The following BEND3 variants were observed in gnomAD, a reference collection of about 807,000 sequenced individuals.
BEND3 encodes BEN domain containing 3.
A neutral mutation model predicts 60.1 loss-of-function variants in BEND3; 13 were observed. The ratio of observed to expected loss-of-function variants is 0.22; its 90% CI spans 0.14 to 0.34. BEND3 has a LOEUF of 0.34. BEND3 is among the 10% of genes least tolerant of loss of function. The pLI, the probability that BEND3 is intolerant of heterozygous loss-of-function variation, is 1.00. For missense variants in BEND3, 896 were observed against 1,138.1 expected (o/e 0.79, Z 3.06); for synonymous variants, 497 against 491.5 (o/e 1.01, Z -0.15).
At chr6:107,078,894 G>A (rs1252866830) in intron 3 of BEND3, among the ~76,000 whole-genome samples, 1 of 151,982 alleles carries the variant, frequency 6.6e-6, no homozygotes, top group Non-Finnish European at 1.5e-5. Flanking sequence ...CCTCAGGCCT[G>A]TGCCCATGGA....
At position 107,112,700 on chromosome 6, in the gene BEND3, A is replaced by G. The variant is rs1027510943; in HGVS notation, c.-12+2390T>C. ...GAAATCCCCTCTCTACTAAAAATAC[A>G]AAACTAGCCGGGCATGGTGGCGCGC... On this transcript the variant is annotated intron_variant, in intron 1 of 3. Coordinates refer to ENST00000369042, the MANE Select transcript of BEND3 (RefSeq NM_001367314.1). Among the ~76,000 whole-genome samples the G allele has an allele frequency of 3.3e-5, 5 of 152,080 alleles. No homozygotes were observed. In the East Asian group the frequency reaches 7.7e-4, roughly 23 times the overall value.
chr6:107,111,786 A>T (rs1554238436), intron 1 of BEND3, among the ~76,000 whole-genome samples: 1 of 152,070 alleles, frequency 6.6e-6, no homozygotes, highest in Non-Finnish European at 1.5e-5. Flanking sequence ...GTTCAAGACC[A>T]ACCTGGCCAA....
intron 1 of BEND3, among the ~76,000 whole-genome samples, chr6:107,104,066 C>T (rs540925609): frequency 2.6e-5 from 4 of 151,424 alleles, no homozygotes; most frequent in African/African-American, 9.7e-5. Flanking sequence ...GGGCAGATCA[C>T]GAGGTCAGGA....
intron 2 of BEND3, 103 bp downstream of exon 2, chr6:107,099,146 T>A: frequency 1.0e-6 from 1 of 975,906 alleles, no homozygotes; most frequent in Non-Finnish European, 1.6e-6. Context: ...TGGAGGGGAC[T>A]TTTCACTATA....
chr6:107,069,133 C>G lies in BEND3; in HGVS notation c.2058G>C (p.Gly686=), dbSNP rs782269089. 6.2e-7 allele frequency: 1 copy of G among 1,612,688 alleles called. No individual in the cohort carries two copies. Among genetic ancestry groups the G allele is most frequent in the Admixed American group, 1.7e-5 (1 of 60,006 alleles). ...NPERFREEFE[G]PPLPPERSSK... The stretch of plus-strand genomic sequence containing the variant: ...TGCTCCTCTCGGGGGGCAGTGGGGG[C>G]CCCTCAAACTCCTCCCGGAACCTCT... The change falls in exon 4 of 4, where the codon GGG becomes GGC. Residue 686 remains glycine, a synonymous_variant. Transcript: ENST00000369042.
At chr6:107,098,028 G>A (rs1415073376) in intron 3 of BEND3, among the ~76,000 whole-genome samples, 1 of 151,992 alleles carries the variant, frequency 6.6e-6, no homozygotes, top group African/African-American at 2.4e-5. Context: ...ACAAAGAGTT[G>A]GCTGTGCACT....
chr6:107,095,744 C>T (rs1775573029), intron 3 of BEND3, among the ~76,000 whole-genome samples: 1 of 152,182 alleles, frequency 6.6e-6, no homozygotes, highest in Non-Finnish European at 1.5e-5. Flanking sequence ...CATGAAAAGA[C>T]ATGGAGGAAA....
At chr6:107,087,152 C>A (rs1479129963) in intron 3 of BEND3, among the ~76,000 whole-genome samples, 1 of 151,036 alleles carries the variant, frequency 6.6e-6, no homozygotes. Flanking sequence ...GTCAACATGG[C>A]GAAACCCCAT....
At chr6:107,087,365 C>T (rs886615113) in intron 3 of BEND3, among the ~76,000 whole-genome samples, 1 of 152,030 alleles carries the variant, frequency 6.6e-6, no homozygotes, top group African/African-American at 2.4e-5. Context: ...TAAGACCAAA[C>T]CAGACTCAGA....
rs200273835 is a variant in BEND3, at chr6:107,098,578, G to T, written c.213C>A (p.Gly71=). The T allele has an allele frequency of 6.2e-7, 1 of 1,613,168 alleles. No individual in the cohort carries two copies. Residue 71 remains glycine, a synonymous_variant, in exon 3 of 4, where the codon GGC becomes GGA. Transcript: ENST00000369042. ...CGGGGATCAGCCGCCTCCTCTTCACGCCGGGGACAGAGTCTAGCAGGCCAT... is the reference window on the plus strand; with the variant it reads ...CGGGGATCAGCCGCCTCCTCTTCACTCCGGGGACAGAGTCTAGCAGGCCAT... ...VSDGLLDSVP[G]VKRRRLIPEA...
At chr6:107,114,838 G>GGCACAAAGGGGCGCGCA (rs1431105608) in intron 1 of BEND3, among the ~76,000 whole-genome samples, 1 of 148,652 alleles carries the variant, frequency 6.7e-6, no homozygotes, top group East Asian at 2.0e-4. Context: ...GTTCCGAGCG[G>GGCACAAAGGGGCGCGCA]GCACAAAGGG....
At chr6:107,110,125 G>C (rs1452117832) in intron 1 of BEND3, among the ~76,000 whole-genome samples, 1 of 152,136 alleles carries the variant, frequency 6.6e-6, no homozygotes, top group Non-Finnish European at 1.5e-5. Context: ...CTTGAGCCTA[G>C]GAGTTCAAGA....
At chr6:107,114,567 C>G (rs1381554734) in intron 1 of BEND3, 2 of 151,666 alleles carry the variant, frequency 1.3e-5, no homozygotes, top group African/African-American at 4.8e-5. Context: ...GTCCCCGCCC[C>G]CTGCTCCCGC....
intron 3 of BEND3, among the ~76,000 whole-genome samples, chr6:107,085,476 C>T (rs1424688235): frequency 6.6e-6 from 1 of 152,018 alleles, no homozygotes; most frequent in Non-Finnish European, 1.5e-5. Flanking sequence ...TTTTTTCTTT[C>T]TTTTTAAATT....
chr6:107,103,088 T>C (rs1222628503), intron 1 of BEND3, among the ~76,000 whole-genome samples: 1 of 152,216 alleles, frequency 6.6e-6, no homozygotes, highest in Admixed American at 6.5e-5. Context: ...CATCTCCTTC[T>C]GCCTCCATTA....
At chr6:107,112,320 T>C (rs1416345730) in intron 1 of BEND3, among the ~76,000 whole-genome samples, 1 of 152,220 alleles carries the variant, frequency 6.6e-6, no homozygotes, top group East Asian at 1.9e-4. Flanking sequence ...GACATTCTGC[T>C]ATGCTTCTGC....
At chr6:107,104,622 G>A (rs1775775287) in intron 1 of BEND3, among the ~76,000 whole-genome samples, 1 of 151,566 alleles carries the variant, frequency 6.6e-6, no homozygotes. Flanking sequence ...TATATAAATA[G>A]TGGTTATAGT....
rs782242848 is a variant in BEND3 at position 107,069,207 on chromosome 6, C to T, written c.1984G>A (p.Val662Met). 4.5e-5 allele frequency: 73 copies of T among 1,612,352 alleles called. No individual in the cohort carries two copies. The highest frequency in any genetic ancestry group is 5.3e-5 in the Non-Finnish European group (63 of 1,179,974). Residue 662 changes from valine to methionine, a missense_variant, in exon 4 of 4, where the codon GTG becomes ATG. By Grantham distance (21) the Val-to-Met change is conservative. Transcript: ENST00000369042. Reference sequence around the variant, plus strand: ...AAGTCTCTGCACTCAGGGCCCGGCACGTGGACCTTGCGCTGCTGCTGGTAG... The same window carrying T: ...AAGTCTCTGCACTCAGGGCCCGGCATGTGGACCTTGCGCTGCTGCTGGTAG... The part of the protein sequence containing the change: ...RSYQQQRKVH[V>M]PGPECRDLTS...
chr6:107,112,856 GAA>G (rs1201523509), intron 1 of BEND3, among the ~76,000 whole-genome samples: 42 of 80,120 alleles, frequency 5.2e-4, no homozygotes, highest in African/African-American at 1.4e-3. Context: ...TCTGTCTCAA[GAA>G]AAAAAAAAAA....
Sources: gnomAD v4.1 joint callset for allele counts (sites outside exome capture counted in the v4.1 genomes callset) on GRCh38, gnomAD v4.1.1 for gene constraint, MANE v1.5 for transcripts, NCBI Gene and HGNC (gene_info 2026-07-23, HGNC 2026-07-21) for gene names.